The following ARHGEF4 variants were observed in gnomAD, a reference collection of about 807,000 sequenced individuals.
ARHGEF4 encodes Rho guanine nucleotide exchange factor 4.
ARHGEF4 carries 119 observed loss-of-function variants against 162.0 expected under a neutral mutation model. The ratio of observed to expected loss-of-function variants is 0.73; its 90% CI spans 0.63 to 0.86. The LOEUF (loss-of-function observed/expected upper bound fraction) is 0.86. ARHGEF4 is among the 40% of genes least tolerant of loss of function. The pLI is 0.00. For missense variants in ARHGEF4, 2,488 were observed against 2,456.0 expected, an observed-to-expected ratio of 1.01 and a Z score of -0.28; for synonymous variants, 1,014 against 979.9, an observed-to-expected ratio of 1.03 and a Z score of -0.65.
In ARHGEF4 at chr2:130,887,477, C is replaced by T. The variant is rs187482446; in HGVS notation, c.40-26509C>T. ...TTTGTCCATGTCATCTAACTGCTCA[C>T]ATTAATTGACCTATTTTTATCATAA... On this transcript the variant is annotated intron_variant, in intron 1 of 13. Transcript: ENST00000409359. Among the ~76,000 whole-genome samples the T allele has an allele frequency of 1.3e-4, 20 of 152,220 alleles. No homozygotes were observed. The East Asian group carries it at 3.7e-3, about 28-fold the overall frequency.
chr2:130,978,173 C>T (rs1205132709), intron 4 of ARHGEF4, among the ~76,000 whole-genome samples: 5 of 152,154 alleles, frequency 3.3e-5, no homozygotes, highest in Admixed American at 6.5e-5. Context: ...ATGGGACCCT[C>T]GGGCTGGTTT....
At chr2:130,990,278 T>C (rs542796002) in intron 4 of ARHGEF4, among the ~76,000 whole-genome samples, 1 of 152,328 alleles carries the variant, frequency 6.6e-6, no homozygotes, top group African/African-American at 2.4e-5. Context: ...TTTGAAGAGA[T>C]GTGTTAAAGC....
At chr2:131,031,581 G>A (rs1358304982) in intron 5 of ARHGEF4, among the ~76,000 whole-genome samples, 4 of 152,242 alleles carry the variant, frequency 2.6e-5, no homozygotes, top group African/African-American at 2.4e-5. Flanking sequence ...CCTGAGGAAC[G>A]TGCAAACAGG....
Position 130,931,024 on chromosome 2 carries a change from G to C in ARHGEF4, c.3625G>C (p.Glu1209Gln). 6.2e-7 allele frequency: 1 copy of C among 1,614,020 alleles called. No individual in the cohort carries two copies. Among genetic ancestry groups the C allele is most frequent in the South Asian group, 1.1e-5 (1 of 91,080 alleles). The change falls in exon 3 of 14, where the codon GAG (glutamate) becomes CAG (glutamine). Residue 1209 changes from glutamate to glutamine, a missense_variant. Glu to Gln is a conservative substitution (Grantham distance 29). Coordinates refer to ENST00000409359, the MANE Select transcript of ARHGEF4 (RefSeq NM_001367493.1). Reference protein sequence around the residue: ...CSHSQKAFHMEPAQKPCFTTD... With the variant: ...CSHSQKAFHMQPAQKPCFTTD... ...TCACAGTCAGAAGGCGTTCCACATGGAGCCTGCCCAGAAGCCCTGCTTCAC... is the reference window on the plus strand; with the variant it reads ...TCACAGTCAGAAGGCGTTCCACATGCAGCCTGCCCAGAAGCCCTGCTTCAC...
chr2:130,837,320 A>C (rs1680264575), intron 1 of ARHGEF4: 1 of 352,490 alleles, frequency 2.8e-6, no homozygotes, highest in African/African-American at 2.2e-5. Flanking sequence ...CGCGCGGGGC[A>C]CTCGGAGCCG....
At chr2:130,984,761 G>A (rs1291405050) in intron 4 of ARHGEF4, among the ~76,000 whole-genome samples, 5 of 150,814 alleles carry the variant, frequency 3.3e-5, no homozygotes, top group South Asian at 2.1e-4. Flanking sequence ...ACACACAATC[G>A]CCAGAACACA....
chr2:130,889,299 G>A (rs1679715227), intron 1 of ARHGEF4, among the ~76,000 whole-genome samples: 1 of 151,890 alleles, frequency 6.6e-6, no homozygotes, highest in Admixed American at 6.5e-5. Context: ...CTCTTGTCTT[G>A]TATTTCTCAT....
chr2:130,905,464 C>T (rs1266067619), intron 1 of ARHGEF4, among the ~76,000 whole-genome samples: 1 of 152,224 alleles, frequency 6.6e-6, no homozygotes, highest in Non-Finnish European at 1.5e-5. Context: ...ATCTTCCCTA[C>T]AGGAACTCTT....
At chr2:131,001,475 A>G (rs560276206) in intron 4 of ARHGEF4, among the ~76,000 whole-genome samples, 1 of 152,340 alleles carries the variant, frequency 6.6e-6, no homozygotes, top group South Asian at 2.1e-4. Context: ...AGAAGCAACA[A>G]GAGAAACCAT....
intron 3 of ARHGEF4, among the ~76,000 whole-genome samples, chr2:130,943,101 C>T (rs1427900247): frequency 2.0e-5 from 3 of 151,832 alleles, no homozygotes; most frequent in Admixed American, 1.3e-4. Flanking sequence ...TCCATTTTTC[C>T]TTTAAATTTT....
At chr2:130,885,688 G>T (rs959114042) in intron 1 of ARHGEF4, among the ~76,000 whole-genome samples, 9 of 147,254 alleles carry the variant, frequency 6.1e-5, no homozygotes, top group Admixed American at 1.4e-4. Context: ...TCCTGCCTCA[G>T]CCTCCCGAGC....
intron 4 of ARHGEF4, among the ~76,000 whole-genome samples, chr2:130,988,937 A>AGAGAGAGAGAGAG (rs1553437079): frequency 9.6e-6 from 1 of 104,590 alleles, no homozygotes; most frequent in African/African-American, 4.0e-5. Context: ...GAGAGAGAGA[A>AGAGAGAGAGAGAG]AGATTCCAAA....
chr2:130,963,013 G>T (rs1320656093), intron 4 of ARHGEF4, among the ~76,000 whole-genome samples: 1 of 152,174 alleles, frequency 6.6e-6, no homozygotes, highest in Non-Finnish European at 1.5e-5. Flanking sequence ...ACCTGTGTGT[G>T]TCTGGGAGGG....
At chr2:130,864,513 T>G (rs1352498306) in intron 1 of ARHGEF4, among the ~76,000 whole-genome samples, 2 of 152,080 alleles carry the variant, frequency 1.3e-5, no homozygotes, top group Non-Finnish European at 2.9e-5. Context: ...TCACTAGAGG[T>G]CAGGAGTTCA....
chr2:130,842,435 G>A (rs1051810424), intron 1 of ARHGEF4, among the ~76,000 whole-genome samples: 5 of 152,192 alleles, frequency 3.3e-5, no homozygotes, highest in African/African-American at 9.7e-5. Context: ...AGAGATACTC[G>A]TACTTTATGT....
intron 4 of ARHGEF4, among the ~76,000 whole-genome samples, chr2:130,980,723 A>G (rs1686065045): frequency 6.6e-6 from 1 of 152,252 alleles, no homozygotes; most frequent in African/African-American, 2.4e-5. Context: ...AGGTACATAC[A>G]TGAAGGCCCA....
At chr2:130,856,998 G>A (rs1437516971) in intron 1 of ARHGEF4, among the ~76,000 whole-genome samples, 25 of 152,116 alleles carry the variant, frequency 1.6e-4, no homozygotes, top group East Asian at 1.2e-3. Context: ...CGAGGCGGGT[G>A]GATCACGAGG....
chr2:130,920,179 GT>G (rs1364016617), intron 2 of ARHGEF4, among the ~76,000 whole-genome samples: 2 of 152,142 alleles, frequency 1.3e-5, no homozygotes, highest in African/African-American at 2.4e-5. Context: ...CGAGATCACG[GT>G]TCACTGCAGC....
chr2:130,999,795 T>G (rs1253474364), intron 4 of ARHGEF4, among the ~76,000 whole-genome samples: 1 of 152,188 alleles, frequency 6.6e-6, no homozygotes, highest in African/African-American at 2.4e-5. Flanking sequence ...CTCTGCCTTT[T>G]GGGTTCAAGC....
Sources: gnomAD v4.1 joint callset for allele counts (sites outside exome capture counted in the v4.1 genomes callset) on GRCh38, gnomAD v4.1.1 for gene constraint, MANE v1.5 for transcripts, NCBI Gene and HGNC (gene_info 2026-07-23, HGNC 2026-07-21) for gene names.